Variants in MCTP1 observed in about 807,000 individuals in gnomAD.
The protein encoded by MCTP1 is multiple C2 and transmembrane domain containing 1.
In MCTP1, 69 loss-of-function variants were observed where a neutral mutation model predicts 120.6. The ratio of observed to expected loss-of-function variants is 0.57; its 90% CI spans 0.47 to 0.70. The LOEUF (loss-of-function observed/expected upper bound fraction) is 0.70, where lower values mean the gene tolerates loss of function less well. Among genes scored for constraint, MCTP1 ranks in the 30% least tolerant of loss-of-function variants. The pLI is 0.00. For synonymous variants in MCTP1, 529 were observed against 493.1 expected (o/e 1.07, Z -0.96); for missense variants, 1,203 against 1,248.8 (o/e 0.96, Z 0.55).
chr5:95,204,899 G>A (rs1751454334), intron 1 of MCTP1, among the ~76,000 whole-genome samples: 1 of 151,968 alleles, frequency 6.6e-6, no homozygotes, highest in South Asian at 2.1e-4. Context: ...TGGATCAGAG[G>A]ATTTAATATC....
chr5:94,737,222 T>C (rs978553889), intron 19 of MCTP1, among the ~76,000 whole-genome samples: 1 of 147,118 alleles, frequency 6.8e-6, no homozygotes, highest in African/African-American at 2.5e-5. Flanking sequence ...TATTTTTATC[T>C]CAGAGGAGGA....
At chr5:94,943,843 G>T (rs1458178857) in intron 3 of MCTP1, among the ~76,000 whole-genome samples, 1 of 152,002 alleles carries the variant, frequency 6.6e-6, no homozygotes, top group Non-Finnish European at 1.5e-5. Flanking sequence ...TTTTCAGGTA[G>T]AAAACATTTG....
intron 1 of MCTP1, among the ~76,000 whole-genome samples, chr5:95,139,470 T>C (rs1474269595): frequency 1.3e-5 from 2 of 152,252 alleles, no homozygotes; most frequent in Admixed American, 6.5e-5. Context: ...GCAATATCTT[T>C]GCCTCTCACT....
chr5:94,880,307 G>A (rs894439112), intron 12 of MCTP1, among the ~76,000 whole-genome samples: 1 of 152,060 alleles, frequency 6.6e-6, no homozygotes, highest in Non-Finnish European at 1.5e-5. Context: ...AGGACTTATA[G>A]TAAATATATA....
intron 1 of MCTP1, among the ~76,000 whole-genome samples, chr5:95,264,702 A>G (rs1202102634): frequency 6.6e-6 from 1 of 152,220 alleles, no homozygotes; most frequent in African/African-American, 2.4e-5. Flanking sequence ...CCCTGGCCAC[A>G]GTGGACAGAG....
At chr5:95,054,537 T>A (rs1218605827) in intron 1 of MCTP1, among the ~76,000 whole-genome samples, 1 of 152,192 alleles carries the variant, frequency 6.6e-6, no homozygotes, top group Non-Finnish European at 1.5e-5. Flanking sequence ...GAACCCACAG[T>A]GGTTCCCCTT....
chr5:94,835,896 C>T (rs1287213403), intron 17 of MCTP1, among the ~76,000 whole-genome samples: 3 of 151,844 alleles, frequency 2.0e-5, no homozygotes, highest in South Asian at 2.1e-4. Flanking sequence ...CCCAGCTACT[C>T]GGGAGGCTGA....
chr5:95,231,369 T>C (rs994935739), intron 1 of MCTP1, among the ~76,000 whole-genome samples: 3 of 152,188 alleles, frequency 2.0e-5, no homozygotes, highest in African/African-American at 7.2e-5. Context: ...TATAGACTTT[T>C]GCTTCTCAAC....
At chr5:95,161,425 T>A (rs540894425) in intron 1 of MCTP1, among the ~76,000 whole-genome samples, 2 of 152,034 alleles carry the variant, frequency 1.3e-5, no homozygotes, top group African/African-American at 2.4e-5. Context: ...GAATGGTAGT[T>A]ACCAGAGGCT....
At chr5:94,817,842 C>T (rs967712052) in intron 17 of MCTP1, among the ~76,000 whole-genome samples, 7 of 152,136 alleles carry the variant, frequency 4.6e-5, no homozygotes, top group Non-Finnish European at 7.4e-5. Flanking sequence ...ATTGGGCTCT[C>T]TTGTTCTTCT....
intron 12 of MCTP1, among the ~76,000 whole-genome samples, chr5:94,879,121 A>C (rs1799517335): frequency 1.3e-5 from 2 of 152,076 alleles, no homozygotes; most frequent in Non-Finnish European, 2.9e-5. Context: ...GGTTAGTAGA[A>C]GATGTCAGAG....
chr5:95,210,766 G>C (rs543146624), intron 1 of MCTP1, among the ~76,000 whole-genome samples: 235 of 152,172 alleles, frequency 1.5e-3, no homozygotes, highest in African/African-American at 5.2e-3. Flanking sequence ...TTTCTTCCTA[G>C]TCTCGATGGT....
Position 94,954,150 on chromosome 5 carries a change from ATATATATGCATATATATACAT to A in MCTP1, c.839-810_839-790del, listed in dbSNP as rs1821817929. ...AATATATATATGCATATATATACAT[ATATATATGCATATATATACAT>A]ATATATATATGCATATATATATATA... On this transcript the variant is annotated intron_variant, in intron 2 of 22. Coordinates refer to ENST00000515393, the MANE Select transcript of MCTP1 (RefSeq NM_024717.7). Among the ~76,000 whole-genome samples, 2 of 108,520 alleles carry A rather than the reference ATATATATGCATATATATACAT, an allele frequency of 1.8e-5. 1 individual carries two copies. The highest frequency in any genetic ancestry group is 3.6e-5 in the Non-Finnish European group (2 of 54,806). 71.2% of individuals were successfully genotyped at this position (108,520 alleles called of 152,430 possible). A position where few individuals can be genotyped will look rare whatever the true frequency, so the allele number is the denominator to read the frequency against.
At chr5:94,944,802 A>T (rs2153514351) in intron 3 of MCTP1, among the ~76,000 whole-genome samples, 1 of 148,354 alleles carries the variant, frequency 6.7e-6, no homozygotes, top group Non-Finnish European at 1.5e-5. Flanking sequence ...GTTTGGTTCC[A>T]AGCTCTACAC....
At chr5:94,866,410 T>C (rs1436462051) in intron 17 of MCTP1, among the ~76,000 whole-genome samples, 1 of 151,896 alleles carries the variant, frequency 6.6e-6, no homozygotes, top group East Asian at 1.9e-4. Flanking sequence ...GCTTCTTTTT[T>C]CCAGCGAAAC....
In MCTP1 at chr5:95,069,916, G is replaced by A. The variant is rs185720582; in HGVS notation, c.721-52432C>T. Among the ~76,000 whole-genome samples the A allele has an allele frequency of 2.0e-4, 30 of 151,956 alleles. 2 individuals carry two copies. The highest frequency in any genetic ancestry group is 6.3e-4 in the African/African-American group (26 of 41,438). On this transcript the variant is annotated intron_variant, in intron 1 of 22. Coordinates refer to ENST00000515393, the MANE Select transcript of MCTP1 (RefSeq NM_024717.7). ...GATGGGGTTTCACCGTGTTAGCCAG[G>A]ATGGTCTTGATCTCCTGACCTTGTG...
rs554224174 is a variant in MCTP1, at chr5:94,707,615, GGCAAAGAAAGGAACA to G, written c.2929-63_2929-49del. On this transcript the variant is annotated intron_variant, in intron 22 of 22. Coordinates refer to ENST00000515393, the MANE Select transcript of MCTP1 (RefSeq NM_024717.7). ...AAGACTGGTCAGGTGGCCACTTTCT[GGCAAAGAAAGGAACA>G]GCAAAGGAATGAGAGACGGTGCTTG... The G allele has an allele frequency of 2.2e-4, 302 of 1,375,118 alleles. No homozygotes were observed. In the African/African-American group the frequency reaches 3.8e-3, roughly 18 times the overall value. The allele number at this position is 1,375,118 out of a possible 1,614,324, so 85.2% of individuals were successfully genotyped here.
chr5:94,736,498 T>G (rs560653712), intron 19 of MCTP1, among the ~76,000 whole-genome samples: 37 of 152,140 alleles, frequency 2.4e-4, no homozygotes, highest in Middle Eastern at 3.4e-3. Context: ...AAAATTTTTT[T>G]GGGGGGGATC....
chr5:95,178,935 C>T (rs1284089201), intron 1 of MCTP1, among the ~76,000 whole-genome samples: 3 of 151,928 alleles, frequency 2.0e-5, no homozygotes, highest in Non-Finnish European at 4.4e-5. Flanking sequence ...ACATGATACA[C>T]GATATGAGAG....
Sources: allele counts gnomAD v4.1 joint callset (sites outside exome capture counted in the v4.1 genomes callset), GRCh38; gene constraint gnomAD v4.1.1; transcripts MANE v1.5; gene names NCBI Gene and HGNC (gene_info 2026-07-23, HGNC 2026-07-21).